PAXIP1: variants seen among roughly 807,000 people sequenced by gnomAD.
PAXIP1 encodes the protein PAX-interacting protein 1.
Under a neutral mutation model 140.6 loss-of-function variants are expected in PAXIP1, and 19 were observed. The ratio of observed to expected loss-of-function variants is 0.14; its 90% CI spans 0.09 to 0.20. The LOEUF is 0.20. Among genes scored for constraint, PAXIP1 ranks in the 10% least tolerant of loss-of-function variants. The probability of loss-of-function intolerance (pLI) is 1.00; values close to 1 mark genes in which losing one functional copy is unlikely to be tolerated. For synonymous variants in PAXIP1, 442 were observed against 444.6 expected (o/e 0.99, Z 0.07); for missense variants, 920 against 1,208.6 (o/e 0.76, Z 3.54).
In PAXIP1 at chr7:154,956,356, A is replaced by C. The variant is rs1313155337; in HGVS notation, c.2550-725T>G. On this transcript the variant is annotated intron_variant, in intron 14 of 20. Coordinates refer to ENST00000404141, the MANE Select transcript of PAXIP1 (RefSeq NM_007349.4). This position sits in a 1 kb window ranked among gnomAD's most constrained non-coding sequence, Gnocchi z 4.2. ...TCAACAGTTCAGTTTGTGTTCTGGA[A>C]GTGGGGAATGGAAGGAGGGAAAGAG... 6.6e-6 allele frequency: 1 copy of C among 152,186 alleles called. No homozygotes were observed. The highest frequency in any genetic ancestry group is 1.5e-5 in the Non-Finnish European group (1 of 68,028). The allele number at this position is 152,186 out of a possible 1,614,324, so 9.4% of individuals were successfully genotyped here.
At chr7:154,997,206 C>T (rs1193088181) in intron 2 of PAXIP1, among the ~76,000 whole-genome samples, 1 of 152,168 alleles carries the variant, frequency 6.6e-6, no homozygotes, top group African/African-American at 2.4e-5. Context: ...TCTGGCCCCG[C>T]AATTTGACTT....
In PAXIP1 at chr7:154,960,669, C is replaced by A. The variant is rs150855897; in HGVS notation, c.2434+224G>T. On this transcript the variant is annotated intron_variant, in intron 12 of 20. Coordinates refer to ENST00000404141, the MANE Select transcript of PAXIP1 (RefSeq NM_007349.4). The stretch of plus-strand genomic sequence containing the variant: ...CCAACCTGGGTGACAAAGCGAGACC[C>A]TGTCTCAAAACAAAAACAAAAACAA... Among the ~76,000 whole-genome samples the A allele has an allele frequency of 7.4e-4, 112 of 152,100 alleles. No homozygotes were observed. The East Asian group carries it at 0.018, about 24-fold the overall frequency.
intron 8 of PAXIP1, chr7:154,964,493 G>A (rs1395912044): frequency 6.6e-6 from 1 of 152,098 alleles, no homozygotes; most frequent in African/African-American, 2.4e-5. Flanking sequence ...TTTTCCTATG[G>A]CTAAGCATAA....
chr7:154,972,243 T>G (rs995658529), intron 6 of PAXIP1, among the ~76,000 whole-genome samples: 1 of 152,188 alleles, frequency 6.6e-6, no homozygotes. Flanking sequence ...TCCCAGCACT[T>G]TGGGAGGCCG....
intron 1 of PAXIP1, 61 bp downstream of exon 1, chr7:155,002,785 CGGG>C: frequency 1.1e-6 from 1 of 929,590 alleles, no homozygotes; most frequent in African/African-American, 1.8e-5. Context: ...GGGACGGGGA[CGGG>C]GACGGGGACG....
In PAXIP1 at chr7:154,946,066, C is replaced by T; in HGVS notation, c.3194+299G>A. 1 of 977,310 alleles carries T rather than the reference C, an allele frequency of 1.0e-6. No individual in the cohort carries two copies. The highest frequency in any genetic ancestry group is 4.7e-5 in the South Asian group (1 of 21,144). 60.5% of individuals were successfully genotyped at this position (977,310 alleles called of 1,614,324 possible). The stretch of plus-strand genomic sequence containing the variant: ...AAAAAGAAACATATATTTATTTTTG[C>T]AATTATTTTCTATTTTATCTAATTG... On this transcript the variant is annotated intron_variant, in intron 20 of 20. Coordinates refer to ENST00000404141, the MANE Select transcript of PAXIP1 (RefSeq NM_007349.4). This position sits in a 1 kb window ranked among gnomAD's most constrained non-coding sequence, Gnocchi z 4.9.
At chr7:154,993,599 A>G (rs1810445266) in intron 3 of PAXIP1, 127 bp downstream of exon 3, 2 of 722,022 alleles carry the variant, frequency 2.8e-6, no homozygotes, top group Admixed American at 2.9e-5. Flanking sequence ...TAGTAGGAAT[A>G]TAAGATGTAG....
intron 14 of PAXIP1, 152 bp downstream of exon 14, chr7:154,957,072 A>C: frequency 1.9e-6 from 1 of 529,996 alleles, no homozygotes. Context: ...ATTAAAATGA[A>C]ATATATCCCA....
Position 154,986,720 on chromosome 7 carries a change from C to CT in PAXIP1, c.325-3389dup, listed in dbSNP as rs1256062548. 6.6e-6 allele frequency among the ~76,000 whole-genome samples: 1 copy of CT among 152,190 alleles called. No homozygotes were observed. Among genetic ancestry groups the CT allele is most frequent in the African/African-American group, 2.4e-5 (1 of 41,452 alleles). Reference sequence around the variant, plus strand: ...TCTTCCCCATCCCTATTTGAACAATCTTTCTCAACTTAAAAGAAATGCTTT... The same window carrying CT: ...TCTTCCCCATCCCTATTTGAACAATCTTTTCTCAACTTAAAAGAAATGCTTT... On this transcript the variant is annotated intron_variant, in intron 4 of 20. Transcript: ENST00000404141. The surrounding 1 kb of genome is among the most constrained non-coding windows in gnomAD (Gnocchi z 4.8).
At chr7:154,983,631 C>A in intron 4 of PAXIP1, 1 of 218,102 alleles carries the variant, frequency 4.6e-6, no homozygotes, top group Non-Finnish European at 8.9e-6. Flanking sequence ...CAGTCTATAA[C>A]AAAAATAGTC....
intron 4 of PAXIP1, among the ~76,000 whole-genome samples, chr7:154,989,641 T>C (rs1394104846): frequency 6.6e-6 from 1 of 152,244 alleles, no homozygotes; most frequent in East Asian, 1.9e-4. Flanking sequence ...GTTTTTATTA[T>C]GATTTGAGGT....
chr7:154,987,832 C>T (rs1810144226), intron 4 of PAXIP1, among the ~76,000 whole-genome samples: 1 of 152,174 alleles, frequency 6.6e-6, no homozygotes, highest in Admixed American at 6.5e-5. Flanking sequence ...TGAGTCCCAT[C>T]TGTTGCTAAG....
intron 12 of PAXIP1, 124 bp from the exon 13 acceptor site, chr7:154,960,057 G>T: frequency 1.5e-6 from 1 of 678,672 alleles, no homozygotes; most frequent in Non-Finnish European, 2.6e-6. Context: ...ACTTAATAAG[G>T]ATAAATGTAA....
chr7:154,946,874 T>C lies in PAXIP1; in HGVS notation c.2923-61A>G, dbSNP rs1041597927. On this transcript the variant is annotated intron_variant, in intron 17 of 20. Coordinates refer to ENST00000404141, the MANE Select transcript of PAXIP1 (RefSeq NM_007349.4). The surrounding 1 kb of genome is among the most constrained non-coding windows in gnomAD (Gnocchi z 4.9). ...AAAATGCTTTAATTTTTAGAGTACA[T>C]AATTCTCATAGATTCTGCCCTGAGA... is the stretch of plus-strand genomic sequence containing the variant. The C allele has an allele frequency of 6.2e-6, 8 of 1,281,348 alleles. No homozygotes were observed. In the African/African-American group the frequency reaches 1.2e-4, roughly 19 times the overall value. The allele number at this position is 1,281,348 out of a possible 1,614,324, so 79.4% of individuals were successfully genotyped here.
rs1164528821 is a variant in PAXIP1 at position 154,973,045 on chromosome 7, C to T, written c.1074+2651G>A. 1.3e-5 allele frequency among the ~76,000 whole-genome samples: 2 copies of T among 152,234 alleles called. No homozygotes were observed. The highest frequency in any genetic ancestry group is 2.9e-5 in the Non-Finnish European group (2 of 68,048). On this transcript the variant is annotated intron_variant, in intron 6 of 20. Coordinates refer to ENST00000404141, the MANE Select transcript of PAXIP1 (RefSeq NM_007349.4). This position sits in a 1 kb window ranked among gnomAD's most constrained non-coding sequence, Gnocchi z 4.0. The stretch of plus-strand genomic sequence containing the variant: ...GGATGTGCAGGGACCAGGGCCGGCA[C>T]CCTCAGCATTGGGCGGTGCTGGAGC...
chr7:154,948,682 A>G (rs1808119059), intron 16 of PAXIP1: 1 of 151,840 alleles, frequency 6.6e-6, no homozygotes, highest in Admixed American at 6.6e-5. Context: ...GAAGTTCACC[A>G]ACTTTCCAAG....
At chr7:154,962,686 A>C in intron 9 of PAXIP1, 1 of 382,322 alleles carries the variant, frequency 2.6e-6, no homozygotes, top group South Asian at 4.1e-5. Flanking sequence ...CTACAAAAGC[A>C]ACAAATTCTA....
chr7:155,003,054 G>T lies in PAXIP1; in HGVS notation c.-125C>A. 1 of 242,522 alleles carries T rather than the reference G, an allele frequency of 4.1e-6. No homozygotes were observed. The highest frequency in any genetic ancestry group is 1.4e-4 in the South Asian group (1 of 7,082). 15.0% of individuals were successfully genotyped at this position (242,522 alleles called of 1,614,324 possible). ...GGCCCTGCCCGCGCAGCCCGGGCCC[G>T]GTCCTGCGAATCGGGGTCCGCTCCC... On this transcript the variant is annotated 5_prime_UTR_variant, in exon 1 of 21. Coordinates refer to ENST00000404141, the MANE Select transcript of PAXIP1 (RefSeq NM_007349.4).
chr7:155,000,418 A>T (rs774391484), intron 1 of PAXIP1: 6 of 152,058 alleles, frequency 3.9e-5, no homozygotes, highest in Non-Finnish European at 8.8e-5. Flanking sequence ...TCCCTTCTTC[A>T]TGAGTTTCCC....
Sources: allele counts gnomAD v4.1 joint callset (sites outside exome capture counted in the v4.1 genomes callset), GRCh38; gene constraint gnomAD v4.1.1; non-coding constraint Gnocchi (gnomAD v3.1); transcripts MANE v1.5; gene names NCBI Gene and HGNC (gene_info 2026-07-23, HGNC 2026-07-21).